The following IL6ST variants were observed in gnomAD, a reference collection of about 807,000 sequenced individuals.
The protein encoded by IL6ST is interleukin 6 cytokine family signal transducer.
In IL6ST, 24 loss-of-function variants were observed where a neutral mutation model predicts 91.3. That is an observed-to-expected ratio of 0.26 (90% confidence interval 0.19 to 0.37). The LOEUF (loss-of-function observed/expected upper bound fraction) is 0.37, where lower values mean the gene tolerates loss of function less well. Among genes scored for constraint, IL6ST ranks in the 10% least tolerant of loss-of-function variants. The pLI is 1.00. For missense variants in IL6ST, 914 were observed against 1,078.5 expected (o/e 0.85, Z 2.14); for synonymous variants, 351 against 373.6 (o/e 0.94, Z 0.70).
chr5:55,954,119 G>A (rs1056657660), intron 11 of IL6ST, among the ~76,000 whole-genome samples: 9 of 152,118 alleles, frequency 5.9e-5, no homozygotes, highest in African/African-American at 1.9e-4. Flanking sequence ...CTAATAACAT[G>A]TAAGTCCAAA....
intron 11 of IL6ST, among the ~76,000 whole-genome samples, chr5:55,953,867 G>A (rs1192246225): frequency 1.3e-5 from 2 of 152,156 alleles, no homozygotes; most frequent in African/African-American, 4.8e-5. Flanking sequence ...TGTGCCTGTA[G>A]TCCCAGATAC....
chr5:55,966,901 C>T (rs561758836), intron 5 of IL6ST, among the ~76,000 whole-genome samples: 12 of 151,936 alleles, frequency 7.9e-5, no homozygotes, highest in African/African-American at 2.9e-4. Flanking sequence ...GAAACATTAT[C>T]TGGTCTTTCC....
chr5:55,985,089 C>T (rs918976257), intron 1 of IL6ST, among the ~76,000 whole-genome samples: 7 of 152,166 alleles, frequency 4.6e-5, no homozygotes, highest in Non-Finnish European at 7.3e-5. Context: ...AATGGATTTA[C>T]GCATTATTTT....
intron 6 of IL6ST, 50 bp downstream of exon 6, chr5:55,964,096 G>T: frequency 2.2e-6 from 2 of 916,628 alleles, no homozygotes; most frequent in Non-Finnish European, 3.1e-6. Flanking sequence ...ACTTTAATTT[G>T]TAAACGACTA....
Position 55,968,383 on chromosome 5 carries a change from T to G in IL6ST, c.384A>C (p.Lys128Asn). 2 of 1,612,332 alleles carry G rather than the reference T, an allele frequency of 1.2e-6. No homozygotes were observed. The highest frequency in any genetic ancestry group is 1.7e-6 in the Non-Finnish European group (2 of 1,179,394). The change falls in exon 5 of 17, where the codon AAA becomes AAC. Residue 128 changes from lysine (K) to asparagine (N), a missense_variant. Physicochemically the swap from Lys to Asn is moderately conservative, Grantham distance 94 (BLOSUM62 0). Coordinates refer to ENST00000381298, the MANE Select transcript of IL6ST (RefSeq NM_002184.4). ...ITIISGLPPE[K>N]PKNLSCIVNE... ...TCACAATGCAACTCAAATTTTTAGG[T>G]TTTTCTGGAGGCACTAAAAGGGATT...
In IL6ST at chr5:55,941,419, C is replaced by A. The variant is rs537409110; in HGVS notation, c.2420G>T (p.Gly807Val). Residue 807 changes from glycine (G) to valine (V), a missense_variant, in exon 17 of 17, where the codon GGT becomes GTT. Transcript: ENST00000381298. ...QLVDHVDGGD[G>V]ILPRQQYFKQ... Reference sequence around the variant, plus strand: ...GAAGTACTGTTGCCTGGGCAAAATACCATCACCGCCATCTACATGATCTAC... The same window carrying A: ...GAAGTACTGTTGCCTGGGCAAAATAACATCACCGCCATCTACATGATCTAC... 1 of 1,614,176 alleles carries A rather than the reference C, an allele frequency of 6.2e-7. No individual in the cohort carries two copies. The highest frequency in any genetic ancestry group is 1.1e-5 in the South Asian group (1 of 91,090).
chr5:55,963,493 C>G lies in IL6ST; in HGVS notation c.672G>C (p.Pro224=). ...AGTTGATCACTGATAAATTATGTGG[C>G]GGATTGGGCTTCACTGAAAAATAAA... The part of the protein sequence containing the change: ...FDPVYKVKPN[P]PHNLSVINSE... The change falls in exon 7 of 17, where the codon CCG becomes CCC. Residue 224 remains proline, a synonymous_variant. Coordinates refer to ENST00000381298, the MANE Select transcript of IL6ST (RefSeq NM_002184.4). 6.2e-7 allele frequency: 1 copy of G among 1,604,998 alleles called. No homozygotes were observed.
In IL6ST at chr5:55,941,465, G is replaced by C. The variant is rs2112980; in HGVS notation, c.2374C>G (p.Arg792Gly). ...TCTACTAATTGTAGATCTTCTGGCC[G>C]CTCCTCTGAATCTAACAAGGGCTGG... is the stretch of plus-strand genomic sequence containing the variant. Reference protein sequence around the residue: ...STQPLLDSEERPEDLQLVDHV... With the variant: ...STQPLLDSEEGPEDLQLVDHV... Residue 792 changes from arginine to glycine, a missense_variant, in exon 17 of 17, where the codon CGG (arginine) becomes GGG (glycine). Arg to Gly is a moderately radical substitution (Grantham distance 125). Coordinates refer to ENST00000381298, the MANE Select transcript of IL6ST (RefSeq NM_002184.4). The C allele has an allele frequency of 6.2e-7, 1 of 1,614,124 alleles. No homozygotes were observed. The highest frequency in any genetic ancestry group is 8.5e-7 in the Non-Finnish European group (1 of 1,180,010).
chr5:55,961,837 TCTCTC>T (rs1752336938), intron 7 of IL6ST, among the ~76,000 whole-genome samples: 1 of 151,904 alleles, frequency 6.6e-6, no homozygotes, highest in Non-Finnish European at 1.5e-5. Context: ...TCTTCTGTCT[TCTCTC>T]CTGCCTAGTC....
chr5:55,944,779 G>C, intron 15 of IL6ST: 1 of 762,520 alleles, frequency 1.3e-6, no homozygotes, highest in Admixed American at 2.0e-5. Flanking sequence ...CAGAAACATG[G>C]AATGCCAGAC....
intron 1 of IL6ST, among the ~76,000 whole-genome samples, chr5:55,990,317 T>C (rs1278125371): frequency 6.6e-6 from 1 of 152,224 alleles, no homozygotes; most frequent in Non-Finnish European, 1.5e-5. Flanking sequence ...GTAGCCATTT[T>C]GACTATATAT....
At position 55,951,593 on chromosome 5, in the gene IL6ST, C is replaced by T. The variant is rs778138687; in HGVS notation, c.1711G>A (p.Asp571Asn). 6.2e-7 allele frequency: 1 copy of T among 1,609,094 alleles called. No individual in the cohort carries two copies. The highest frequency in any genetic ancestry group is 8.5e-7 in the Non-Finnish European group (1 of 1,178,560). The stretch of plus-strand genomic sequence containing the variant: ...AATGTATATTCTGTGTGGGAAGAAT[C>T]CACATTCACAGCTGGAAGAAATAAG... ...IIGNETAVNV[D>N]SSHTEYTLSS... Residue 571 changes from aspartate to asparagine, a missense_variant, in exon 14 of 17, where the codon GAT becomes AAT. By Grantham distance (23) the Asp-to-Asn change is conservative. Coordinates refer to ENST00000381298, the MANE Select transcript of IL6ST (RefSeq NM_002184.4).
intron 5 of IL6ST, 73 bp downstream of exon 5, chr5:55,968,203 G>T: frequency 2.5e-6 from 3 of 1,222,364 alleles, no homozygotes; most frequent in Non-Finnish European, 3.5e-6. Flanking sequence ...ATTATTACTT[G>T]GTAAAATAAA....
At chr5:55,946,293 T>G (rs969331162) in intron 15 of IL6ST, among the ~76,000 whole-genome samples, 5 of 152,202 alleles carry the variant, frequency 3.3e-5, no homozygotes, top group African/African-American at 1.2e-4. Context: ...TCTGAAAAAG[T>G]TTGGCAGTTT....
chr5:55,976,346 A>G (rs964696001), intron 2 of IL6ST, 53 bp from the exon 3 acceptor site: 3 of 928,850 alleles, frequency 3.2e-6, no homozygotes, highest in African/African-American at 1.7e-5. Context: ...TTATATACAC[A>G]TAATTTAAGA....
intron 10 of IL6ST, among the ~76,000 whole-genome samples, chr5:55,955,719 T>C (rs1383347531): frequency 6.6e-6 from 1 of 152,214 alleles, no homozygotes; most frequent in Non-Finnish European, 1.5e-5. Context: ...GCTGACTGAT[T>C]CCTAAAAATG....
intron 7 of IL6ST, 36 bp downstream of exon 7, chr5:55,963,315 GA>G: frequency 7.0e-7 from 1 of 1,434,180 alleles, no homozygotes; most frequent in South Asian, 1.3e-5. Context: ...AGGGTTGAAA[GA>G]AGGACTATTT....
chr5:55,982,846 G>C (rs1753741970), intron 1 of IL6ST, 35 bp from the exon 2 acceptor site: 1 of 397,778 alleles, frequency 2.5e-6, no homozygotes, highest in Non-Finnish European at 4.4e-6. Context: ...CAGAAGGCTG[G>C]CTTTGATAAT....
chr5:55,968,992 G>A (rs1306340290), intron 4 of IL6ST, among the ~76,000 whole-genome samples: 1 of 152,166 alleles, frequency 6.6e-6, no homozygotes, highest in Non-Finnish European at 1.5e-5. Context: ...TCAGGAGTTT[G>A]AGACCAGCCT....
Sources: gnomAD v4.1 joint callset for allele counts (sites outside exome capture counted in the v4.1 genomes callset) on GRCh38, gnomAD v4.1.1 for gene constraint, MANE v1.5 for transcripts, NCBI Gene and HGNC (gene_info 2026-07-23, HGNC 2026-07-21) for gene names.